Variants in CNKSR2 observed in about 807,000 individuals in gnomAD.
CNKSR2 encodes the protein connector enhancer of kinase suppressor of Ras 2, also known as CNK homolog protein 2.
Under a neutral mutation model 84.4 loss-of-function variants are expected in CNKSR2, and 14 were observed. That is an observed-to-expected ratio of 0.17 (90% CI 0.11 to 0.26). CNKSR2 has a LOEUF of 0.26. Among genes scored for constraint, CNKSR2 ranks in the 10% least tolerant of loss-of-function variants. The pLI, the probability that CNKSR2 is intolerant of heterozygous loss-of-function variation, is 1.00. For missense variants in CNKSR2, 485 were observed against 771.2 expected (o/e 0.63, Z 4.40); for synonymous variants, 275 against 277.9 (o/e 0.99, Z 0.10).
rs1239606718 is a variant in CNKSR2 at position 21,599,324 on chromosome X, G to GT, written c.1977-1949dup. Among the ~76,000 whole-genome samples the GT allele has an allele frequency of 5.9e-3, 557 of 94,113 alleles. 3 individuals are homozygous for GT. Among genetic ancestry groups the GT allele is most frequent in the African/African-American group, 0.02 (520 of 25,975 alleles). The allele number at this position is 94,113 out of a possible 115,157, so 81.7% of individuals were successfully genotyped here. On this transcript the variant is annotated intron_variant, in intron 17 of 21. Transcript: ENST00000379510. Reference sequence around the variant, plus strand: ...ATTTCTGATAAGATGAAATTTCAGTGTTTTTTTTTGTTTTGGTGTGTGTGT... The same window carrying GT: ...ATTTCTGATAAGATGAAATTTCAGTGTTTTTTTTTTGTTTTGGTGTGTGTGT...
chrX:21,421,383 A>G (rs2090494475), intron 1 of CNKSR2, among the ~76,000 whole-genome samples: 2 of 103,254 alleles, frequency 1.9e-5, no homozygotes, highest in South Asian at 4.4e-4. Context: ...TTTGGTTCCT[A>G]TGAGGGTGCT....
chrX:21,404,457 C>A (rs1411965515), intron 1 of CNKSR2, among the ~76,000 whole-genome samples: 2 of 110,255 alleles, frequency 1.8e-5, no homozygotes, highest in Non-Finnish European at 1.9e-5. Flanking sequence ...TTCTTAAAAC[C>A]TTTAGTTAGC....
intron 13 of CNKSR2, among the ~76,000 whole-genome samples, chrX:21,565,533 G>A (rs2092230637): frequency 9.0e-6 from 1 of 111,339 alleles, no homozygotes; most frequent in Non-Finnish European, 1.9e-5. Context: ...TCTTGAATCT[G>A]TAACATGGTA....
At chrX:21,462,381 T>C (rs2091072235) in intron 4 of CNKSR2, among the ~76,000 whole-genome samples, 1 of 112,321 alleles carries the variant, frequency 8.9e-6, no homozygotes, top group African/African-American at 3.2e-5. Context: ...ATGTTGATTT[T>C]ATATCCTGTA....
intron 1 of CNKSR2, among the ~76,000 whole-genome samples, chrX:21,385,174 G>T (rs2089950929): frequency 1.8e-5 from 2 of 111,643 alleles, no homozygotes; most frequent in African/African-American, 3.3e-5. Context: ...TTGGAATCAT[G>T]ATACCTGGGT....
chrX:21,561,661 T>C, intron 12 of CNKSR2, 101 bp downstream of exon 12: 7 of 596,950 alleles, frequency 1.2e-5, no homozygotes, highest in Non-Finnish European at 1.9e-5. Flanking sequence ...GAAAACTTAT[T>C]CTATCATTGA....
At position 21,649,022 on chromosome X, in the gene CNKSR2, T is replaced by G. The variant is rs374280560; in HGVS notation, c.2884T>G (p.Leu962Val). The G allele has an allele frequency of 7.6e-6, 9 of 1,180,082 alleles. No homozygotes were observed. The highest frequency in any genetic ancestry group is 1.0e-5 in the Non-Finnish European group (9 of 875,220). The change falls in exon 21 of 22, where the codon TTA becomes GTA. Residue 962 changes from leucine (L) to valine (V), a missense_variant. By Grantham distance (32) the Leu-to-Val change is conservative. Coordinates refer to ENST00000379510, the MANE Select transcript of CNKSR2 (RefSeq NM_014927.5). ...LHRLRILKST[L>V]KAREGEVAII... ...CCGGCTGAGAATTCTCAAAAGCACT[T>G]TAAAGGTAAGACAAGAAATGGAAGG...
chrX:21,606,717 G>A lies in CNKSR2; in HGVS notation c.2045-62G>A, dbSNP rs995438331. ...TTTTTTTAAATGATAGTTTATGTTC[G>A]TGAAAATATGACCAGAAACATTTAG... On this transcript the variant is annotated intron_variant, in intron 18 of 21. Transcript: ENST00000379510. The A allele has an allele frequency of 7.2e-5, 51 of 706,787 alleles. No homozygotes were observed. In the African/African-American group the frequency reaches 9.3e-4, roughly 13 times the overall value. The allele number at this position is 706,787 out of a possible 1,213,427, so 58.2% of individuals were successfully genotyped here. A position where few individuals can be genotyped will look rare whatever the true frequency, so the allele number is the denominator to read the frequency against.
Position 21,635,902 on chromosome X carries a change from C to T in CNKSR2, c.2693-12929C>T, listed in dbSNP as rs143871959. 6.4e-3 allele frequency among the ~76,000 whole-genome samples: 714 copies of T among 110,835 alleles called. 1 individual carries two copies. The highest frequency in any genetic ancestry group is 0.01 in the Non-Finnish European group (549 of 52,818). On this transcript the variant is annotated intron_variant, in intron 20 of 21. Transcript: ENST00000379510. ...CGAGTGTGATGGACAAATTAAATAG[C>T]GTGGGTCATAGATGTATAATCAGTG... is the stretch of plus-strand genomic sequence containing the variant.
chrX:21,641,566 C>T, intron 20 of CNKSR2: 1 of 1,174,241 alleles, frequency 8.5e-7, no homozygotes, highest in Non-Finnish European at 1.1e-6. Context: ...AGAACCTCTC[C>T]ATGCCAAATC....
chrX:21,449,181 G>A (rs1014645523), intron 4 of CNKSR2, among the ~76,000 whole-genome samples: 2 of 108,337 alleles, frequency 1.8e-5, no homozygotes, highest in African/African-American at 6.7e-5. Context: ...GTTCATGCCT[G>A]TAATCTCAGC....
intron 20 of CNKSR2, among the ~76,000 whole-genome samples, chrX:21,646,198 C>T (rs987326782): frequency 9.0e-6 from 1 of 111,144 alleles, no homozygotes; most frequent in African/African-American, 3.3e-5. Context: ...CATTACTATA[C>T]TTGGAAATGT....
chrX:21,420,080 A>C lies in CNKSR2; in HGVS notation c.65-6417A>C, dbSNP rs1315795333. 2.7e-5 allele frequency among the ~76,000 whole-genome samples: 3 copies of C among 112,158 alleles called. No homozygotes were observed. In the East Asian group the frequency reaches 8.4e-4, roughly 32 times the overall value. ...AGAAGTGCACCTGGTGTTCTGTTGT[A>C]CTGTGGCTGATCTGACACTCAAACC... On this transcript the variant is annotated intron_variant, in intron 1 of 21. Transcript: ENST00000379510.
At chrX:21,607,263 A>C (rs1416089514) in intron 19 of CNKSR2, among the ~76,000 whole-genome samples, 1 of 111,997 alleles carries the variant, frequency 8.9e-6, no homozygotes, top group Admixed American at 9.5e-5. Flanking sequence ...AACTCATAAA[A>C]ATTAATATTA....
intron 8 of CNKSR2, among the ~76,000 whole-genome samples, chrX:21,512,660 A>G (rs1601884584): frequency 9.0e-6 from 1 of 111,707 alleles, no homozygotes; most frequent in Non-Finnish European, 1.9e-5. Context: ...ATTAGTTGCT[A>G]GGATCTATTT....
chrX:21,500,275 A>C, intron 7 of CNKSR2, among the ~76,000 whole-genome samples: 1 of 111,335 alleles, frequency 9.0e-6, no homozygotes, highest in Middle Eastern at 4.6e-3. Context: ...TGTGAATTTT[A>C]AAAATGTGTT....
chrX:21,397,689 T>A (rs1196089047), intron 1 of CNKSR2, among the ~76,000 whole-genome samples: 1 of 111,039 alleles, frequency 9.0e-6, no homozygotes, highest in South Asian at 3.7e-4. Flanking sequence ...TGTAGTACTG[T>A]AGGGTAACTA....
chrX:21,438,517 A>G (rs1473625160), intron 3 of CNKSR2, among the ~76,000 whole-genome samples: 1 of 111,726 alleles, frequency 9.0e-6, no homozygotes, highest in Middle Eastern at 4.2e-3. Flanking sequence ...ATAGAGCACT[A>G]TCTATTTTTC....
Position 21,532,083 on chromosome X carries a change from T to C in CNKSR2, c.1303+16T>C. ...CCAACTTATGGTAAGAGTTCTTCTT[T>C]TATGTTTATATAAGACTATATTTCT... On this transcript the variant is annotated intron_variant, in intron 11 of 21. Transcript: ENST00000379510. 9.0e-7 allele frequency: 1 copy of C among 1,106,878 alleles called. No homozygotes were observed. The highest frequency in any genetic ancestry group is 3.0e-5 in the East Asian group (1 of 33,189). 91.2% of individuals were successfully genotyped at this position (1,106,878 alleles called of 1,213,427 possible). A position where few individuals can be genotyped will look rare whatever the true frequency, so the allele number is the denominator to read the frequency against.
Sources: gnomAD v4.1 joint callset for allele counts (sites outside exome capture counted in the v4.1 genomes callset) on GRCh38, gnomAD v4.1.1 for gene constraint, MANE v1.5 for transcripts, NCBI Gene and HGNC (gene_info 2026-07-23, HGNC 2026-07-21) for gene names.